The following RAB3C variants were observed in gnomAD, a reference collection of about 807,000 sequenced individuals.
RAB3C encodes the protein ras-related protein Rab-3C.
In RAB3C, 17 loss-of-function variants were observed where a neutral mutation model predicts 26.4. The ratio of observed to expected loss-of-function variants is 0.64; its 90% CI spans 0.44 to 0.97. The LOEUF (loss-of-function observed/expected upper bound fraction) is 0.97, where lower values mean the gene tolerates loss of function less well. Among genes scored for constraint, RAB3C ranks in the 50% least tolerant of loss-of-function variants. The pLI is 0.00. For missense variants in RAB3C, 242 were observed against 281.9 expected, an observed-to-expected ratio of 0.86 and a Z score of 1.01; for synonymous variants, 91 against 95.9, an observed-to-expected ratio of 0.95 and a Z score of 0.30.
rs1217629450 is a variant in RAB3C, at chr5:58,617,707, T to C, written c.89T>C (p.Met30Thr). 1.2e-6 allele frequency: 2 copies of C among 1,613,926 alleles called. No homozygotes were observed. Among genetic ancestry groups the C allele is most frequent in the African/African-American group, 2.7e-5 (2 of 74,934 alleles). Residue 30 changes from methionine (M) to threonine (T), a missense_variant, in exon 2 of 5, where the codon ATG (methionine) becomes ACG (threonine). Met to Thr is a moderately conservative substitution (Grantham distance 81). Transcript: ENST00000282878. The stretch of plus-strand genomic sequence containing the variant: ...TCCTCTGATCAGAACTTTGACTACA[T>C]GTTCAAATTACTCATCATCGGCAAT... ...KDSSDQNFDYMFKLLIIGNSS... is the reference protein window; with the variant it reads ...KDSSDQNFDYTFKLLIIGNSS...
intron 2 of RAB3C, among the ~76,000 whole-genome samples, chr5:58,674,461 T>G (rs1169482729): frequency 1.3e-5 from 2 of 152,232 alleles, no homozygotes; most frequent in African/African-American, 4.8e-5. Flanking sequence ...TTGGAAAGTT[T>G]TTCTTTCTCC....
chr5:58,590,633 C>G (rs1379256096), intron 1 of RAB3C, among the ~76,000 whole-genome samples: 1 of 152,028 alleles, frequency 6.6e-6, no homozygotes, highest in Non-Finnish European at 1.5e-5. Flanking sequence ...ATCTCTACCT[C>G]CTGGGTTCAA....
intron 1 of RAB3C, chr5:58,617,414 C>G: frequency 1.4e-6 from 1 of 725,748 alleles, no homozygotes; most frequent in East Asian, 2.5e-5. Context: ...GTGACATGCA[C>G]CAACACAGCT....
At chr5:58,660,057 G>A (rs938770142) in intron 2 of RAB3C, among the ~76,000 whole-genome samples, 1 of 142,296 alleles carries the variant, frequency 7.0e-6, no homozygotes, top group African/African-American at 3.1e-5. Flanking sequence ...CGCCCGCCTC[G>A]GCCTCCCAAA....
intron 2 of RAB3C, among the ~76,000 whole-genome samples, chr5:58,702,453 T>G (rs1748864497): frequency 6.6e-6 from 1 of 152,144 alleles, no homozygotes. Flanking sequence ...ACACAAAACA[T>G]TACTTTCTTT....
chr5:58,682,013 T>G (rs2111842114), intron 2 of RAB3C, among the ~76,000 whole-genome samples: 1 of 152,316 alleles, frequency 6.6e-6, no homozygotes, highest in South Asian at 2.1e-4. Flanking sequence ...GAAAACAAGG[T>G]TTCCAAAGTT....
chr5:58,844,163 G>A (rs1277044519), intron 4 of RAB3C, among the ~76,000 whole-genome samples: 1 of 152,112 alleles, frequency 6.6e-6, no homozygotes, highest in African/African-American at 2.4e-5. Context: ...GTTTCTTTCT[G>A]GGGGGTGATG....
intron 3 of RAB3C, among the ~76,000 whole-genome samples, chr5:58,791,166 G>A (rs2112014166): frequency 6.6e-6 from 1 of 151,736 alleles, no homozygotes; most frequent in African/African-American, 2.4e-5. Context: ...CCAGTTCTTA[G>A]TCCACCAAAG....
At chr5:58,655,444 G>T (rs1052965616) in intron 2 of RAB3C, among the ~76,000 whole-genome samples, 1 of 152,154 alleles carries the variant, frequency 6.6e-6, no homozygotes, top group Non-Finnish European at 1.5e-5. Flanking sequence ...AACCGGAATC[G>T]CTCTTTGATT....
chr5:58,814,751 A>G (rs145263409), intron 3 of RAB3C: 1 of 152,204 alleles, frequency 6.6e-6, no homozygotes, highest in African/African-American at 2.4e-5. Flanking sequence ...TCTTCCTTGC[A>G]TAGAAGAAAA....
At chr5:58,639,170 C>T (rs158964) in intron 2 of RAB3C, among the ~76,000 whole-genome samples, 104,293 of 152,094 alleles carry the variant, frequency 0.69, 36,515 homozygotes, top group African/African-American at 0.83. Flanking sequence ...AATAGCTGTA[C>T]TGAAACACCC....
chr5:58,739,695 A>G (rs1228800795), intron 3 of RAB3C, among the ~76,000 whole-genome samples: 1 of 152,158 alleles, frequency 6.6e-6, no homozygotes, highest in Non-Finnish European at 1.5e-5. Flanking sequence ...TAGACCATCA[A>G]TTTTCAAAGC....
At chr5:58,644,824 A>G (rs1747485306) in intron 2 of RAB3C, among the ~76,000 whole-genome samples, 1 of 152,150 alleles carries the variant, frequency 6.6e-6, no homozygotes, top group South Asian at 2.1e-4. Context: ...GCTTCTCTGC[A>G]CTCTATCTTT....
At chr5:58,670,548 T>A (rs574741640) in intron 2 of RAB3C, among the ~76,000 whole-genome samples, 2 of 152,334 alleles carry the variant, frequency 1.3e-5, no homozygotes, top group Admixed American at 6.5e-5. Context: ...TGTAATTATG[T>A]ATTTCCAACA....
At chr5:58,667,232 C>A (rs1227618182) in intron 2 of RAB3C, among the ~76,000 whole-genome samples, 1 of 152,170 alleles carries the variant, frequency 6.6e-6, no homozygotes, top group African/African-American at 2.4e-5. Flanking sequence ...ATTCCTCAGC[C>A]TCCTTTAAAG....
intron 1 of RAB3C, 144 bp downstream of exon 1, chr5:58,583,376 G>C (rs1008644380): frequency 1.3e-5 from 20 of 1,523,878 alleles, no homozygotes; most frequent in Non-Finnish European, 1.8e-5. Flanking sequence ...CCTGGGAACA[G>C]AGTTGGGTTT....
intron 2 of RAB3C, among the ~76,000 whole-genome samples, chr5:58,675,059 C>T (rs1474495350): frequency 2.6e-5 from 4 of 152,134 alleles, no homozygotes; most frequent in African/African-American, 9.7e-5. Context: ...AGCCTAAAAA[C>T]TCCATTACTA....
chr5:58,624,293 G>T (rs1028593384), intron 2 of RAB3C, among the ~76,000 whole-genome samples: 1 of 152,150 alleles, frequency 6.6e-6, no homozygotes, highest in African/African-American at 2.4e-5. Context: ...CCATCCTGGG[G>T]ACTCGGGAAG....
At chr5:58,670,514 C>T (rs1022507475) in intron 2 of RAB3C, among the ~76,000 whole-genome samples, 1 of 152,086 alleles carries the variant, frequency 6.6e-6, no homozygotes. Flanking sequence ...TCTTAAGGAC[C>T]TGCCAATTTT....
Sources: gnomAD v4.1 joint callset for allele counts (sites outside exome capture counted in the v4.1 genomes callset) on GRCh38, gnomAD v4.1.1 for gene constraint, MANE v1.5 for transcripts, NCBI Gene and HGNC (gene_info 2026-07-23, HGNC 2026-07-21) for gene names.